CDH12: variants seen among roughly 807,000 people sequenced by gnomAD.
CDH12 encodes the protein cadherin-12.
A neutral mutation model predicts 74.1 loss-of-function variants in CDH12; 41 were observed. That is an observed-to-expected ratio of 0.55 (90% confidence interval 0.43 to 0.72). The LOEUF is 0.72. Ranked by LOEUF, CDH12 falls within the 30% of genes least tolerant of loss-of-function variation. CDH12 has a pLI of 0.00. For synonymous variants in CDH12, 399 were observed against 355.0 expected (o/e 1.12, Z -1.39); for missense variants, 945 against 977.2 (o/e 0.97, Z 0.44).
At chr5:22,273,499 A>G (rs12332187) in intron 3 of CDH12, among the ~76,000 whole-genome samples, 4,447 of 152,288 alleles carry the variant, frequency 0.029, 95 homozygotes, top group South Asian at 0.095. Flanking sequence ...TCATTGATTA[A>G]TTAATTCTTA....
intron 6 of CDH12, among the ~76,000 whole-genome samples, chr5:21,973,133 G>A (rs1413522325): frequency 6.6e-6 from 1 of 151,724 alleles, no homozygotes; most frequent in Non-Finnish European, 1.5e-5. Flanking sequence ...CTTCAGCCCA[G>A]GAATTTAAGG....
At chr5:22,272,445 A>G (rs1486689397) in intron 3 of CDH12, among the ~76,000 whole-genome samples, 1 of 152,124 alleles carries the variant, frequency 6.6e-6, no homozygotes, top group Middle Eastern at 3.2e-3. Context: ...TCATGTATTC[A>G]CTGAAGTAGA....
chr5:21,920,667 T>TATTATAATA (rs149078574), intron 6 of CDH12, among the ~76,000 whole-genome samples: 6 of 145,476 alleles, frequency 4.1e-5, no homozygotes, highest in African/African-American at 1.5e-4. Flanking sequence ...GAACTTAAAG[T>TATTATAATA]ATGATAATAA....
chr5:22,712,892 C>T (rs1743361033), intron 1 of CDH12, among the ~76,000 whole-genome samples: 1 of 152,002 alleles, frequency 6.6e-6, no homozygotes, highest in Admixed American at 6.6e-5. Context: ...GAATATTGCC[C>T]ATTTAGATAG....
At chr5:21,962,620 G>A (rs188037322) in intron 6 of CDH12, among the ~76,000 whole-genome samples, 179 of 152,158 alleles carry the variant, frequency 1.2e-3, no homozygotes, top group African/African-American at 4.2e-3. Flanking sequence ...ACACCGTAGA[G>A]AATCTAGATG....
chr5:22,018,299 T>C (rs76716055), intron 5 of CDH12, among the ~76,000 whole-genome samples: 3,658 of 152,236 alleles, frequency 0.024, 168 homozygotes, highest in African/African-American at 0.083. Flanking sequence ...CCATAAAAAA[T>C]GATAGCATAC....
At position 22,621,262 on chromosome 5, in the gene CDH12, G is replaced by A. The variant is rs192476389; in HGVS notation, c.-522-115898C>T. Among the ~76,000 whole-genome samples the A allele has an allele frequency of 2.8e-3, 431 of 152,220 alleles. 1 individual carries two copies. Among genetic ancestry groups the A allele is most frequent in the Non-Finnish European group, 3.2e-3 (219 of 68,008 alleles). The stretch of plus-strand genomic sequence containing the variant: ...AAATTCTGAAAGATCTTTCCAGCAC[G>A]AGTTCTGTAAGCTAATCAATCACAC... On this transcript the variant is annotated intron_variant, in intron 1 of 14. Transcript: ENST00000382254.
At chr5:22,616,098 A>G (rs1737674268) in intron 1 of CDH12, among the ~76,000 whole-genome samples, 1 of 152,144 alleles carries the variant, frequency 6.6e-6, no homozygotes, top group Non-Finnish European at 1.5e-5. Context: ...TTCAGTGCAC[A>G]GTTTCACCCA....
At chr5:22,350,833 A>T (rs948436936) in intron 3 of CDH12, among the ~76,000 whole-genome samples, 6 of 152,142 alleles carry the variant, frequency 3.9e-5, no homozygotes, top group African/African-American at 1.4e-4. Context: ...TAAGCAACCT[A>T]AAGTTTCTTT....
chr5:22,206,416 T>G (rs1004971569), intron 4 of CDH12, among the ~76,000 whole-genome samples: 4 of 152,076 alleles, frequency 2.6e-5, no homozygotes, highest in Non-Finnish European at 4.4e-5. Context: ...TCCCAATAAT[T>G]AGGCCACATT....
At chr5:22,174,906 C>T (rs1426088926) in intron 4 of CDH12, among the ~76,000 whole-genome samples, 1 of 151,734 alleles carries the variant, frequency 6.6e-6, no homozygotes, top group East Asian at 1.9e-4. Flanking sequence ...TTTTGCTGTG[C>T]CAGGAATATA....
chr5:21,944,114 T>TA (rs1755462306), intron 6 of CDH12, among the ~76,000 whole-genome samples: 1 of 152,194 alleles, frequency 6.6e-6, no homozygotes. Flanking sequence ...CTTGTCCTCT[T>TA]ACAAAAGAGA....
At chr5:22,445,763 A>C (rs1214546818) in intron 2 of CDH12, among the ~76,000 whole-genome samples, 6 of 152,114 alleles carry the variant, frequency 3.9e-5, no homozygotes, top group Admixed American at 3.9e-4. Context: ...CCCTGTGGGC[A>C]TACTGCTGTT....
At chr5:22,276,741 C>T (rs1298393109) in intron 3 of CDH12, among the ~76,000 whole-genome samples, 2 of 152,154 alleles carry the variant, frequency 1.3e-5, no homozygotes, top group African/African-American at 4.8e-5. Flanking sequence ...GGCTGGAGCG[C>T]AGTGGCGCGA....
intron 2 of CDH12, among the ~76,000 whole-genome samples, chr5:22,461,170 G>T: frequency 6.6e-6 from 1 of 150,550 alleles, no homozygotes; most frequent in Non-Finnish European, 1.5e-5. Context: ...TGGGACTACA[G>T]GTGCGTGCCA....
chr5:22,244,740 A>AAAAGAAAGAAAG (rs200900772), intron 3 of CDH12, among the ~76,000 whole-genome samples: 3,193 of 92,474 alleles, frequency 0.035, 42 homozygotes, highest in East Asian at 0.048. Flanking sequence ...AGAAAGAAAG[A>AAAAGAAAGAAAG]AAAGAAAGAA....
At chr5:22,473,524 G>C (rs1020008114) in intron 2 of CDH12, among the ~76,000 whole-genome samples, 38 of 152,174 alleles carry the variant, frequency 2.5e-4, no homozygotes, top group African/African-American at 8.7e-4. Flanking sequence ...TGTGAAGCAT[G>C]GGGATAAAAA....
intron 4 of CDH12, among the ~76,000 whole-genome samples, chr5:22,138,573 ATTC>A (rs1746590154): frequency 6.6e-6 from 1 of 150,772 alleles, no homozygotes; most frequent in Non-Finnish European, 1.5e-5. Flanking sequence ...ATTTAAATGA[ATTC>A]TTCTTGAATT....
intron 1 of CDH12, among the ~76,000 whole-genome samples, chr5:22,848,947 T>C (rs1289893819): frequency 6.6e-6 from 1 of 152,148 alleles, no homozygotes; most frequent in Non-Finnish European, 1.5e-5. Flanking sequence ...TTAGGATATA[T>C]TGTGCTTCTT....
Sources: gnomAD v4.1 joint callset for allele counts (sites outside exome capture counted in the v4.1 genomes callset) on GRCh38, gnomAD v4.1.1 for gene constraint, MANE v1.5 for transcripts, NCBI Gene and HGNC (gene_info 2026-07-23, HGNC 2026-07-21) for gene names.